The following CELF4 variants were observed in gnomAD, a reference collection of about 807,000 sequenced individuals.
CELF4 encodes the protein CUG-BP- and ETR-3-like factor 4.
A neutral mutation model predicts 59.9 loss-of-function variants in CELF4; 18 were observed. The observed-to-expected ratio is 0.30, with a 90% CI of 0.21 to 0.45. The LOEUF (loss-of-function observed/expected upper bound fraction) is 0.45, where lower values mean the gene tolerates loss of function less well. Ranked by LOEUF, CELF4 falls within the 20% of genes least tolerant of loss-of-function variation. CELF4 has a pLI of 1.00. For synonymous variants in CELF4, 261 were observed against 267.1 expected, an observed-to-expected ratio of 0.98 and a Z score of 0.22; for missense variants, 456 against 689.0, an observed-to-expected ratio of 0.66 and a Z score of 3.79.
chr18:37,474,058 A>G (rs1303479173), intron 2 of CELF4: 1 of 152,210 alleles, frequency 6.6e-6, no homozygotes, highest in Non-Finnish European at 1.5e-5. Flanking sequence ...GCCCTCCGAC[A>G]GCAGTGAGAA....
chr18:37,528,969 C>A (rs761169459), intron 1 of CELF4: 10 of 152,136 alleles, frequency 6.6e-5, no homozygotes, highest in Non-Finnish European at 1.5e-4. Context: ...AAACCATCTA[C>A]TCTTAGCTCA....
intron 3 of CELF4, among the ~76,000 whole-genome samples, chr18:37,286,218 C>T (rs2094746057): frequency 6.6e-6 from 1 of 152,158 alleles, no homozygotes; most frequent in Admixed American, 6.5e-5. Context: ...AGAATCTACT[C>T]CAGGTGGCCA....
At chr18:37,450,132 G>A (rs887191799) in intron 2 of CELF4, among the ~76,000 whole-genome samples, 2 of 152,172 alleles carry the variant, frequency 1.3e-5, no homozygotes, top group Admixed American at 6.5e-5. Context: ...AGAGGCTAGA[G>A]GGTGTGTGTG....
chr18:37,495,126 T>C (rs541734890), intron 1 of CELF4, among the ~76,000 whole-genome samples: 1 of 152,196 alleles, frequency 6.6e-6, no homozygotes, highest in Admixed American at 6.5e-5. Context: ...CTGAACTATG[T>C]TCCTTTCTGA....
intron 2 of CELF4, among the ~76,000 whole-genome samples, chr18:37,446,327 C>T (rs1569569445): frequency 6.6e-6 from 1 of 152,146 alleles, no homozygotes; most frequent in African/African-American, 2.4e-5. Context: ...GTGACACAGC[C>T]CCAGCCTGGA....
At chr18:37,333,869 A>G (rs936988526) in intron 2 of CELF4, among the ~76,000 whole-genome samples, 3 of 151,862 alleles carry the variant, frequency 2.0e-5, no homozygotes, top group Non-Finnish European at 4.4e-5. Context: ...GCCCTGTTCT[A>G]TAGAATTGGA....
chr18:37,558,537 G>C (rs2099985553), intron 1 of CELF4, among the ~76,000 whole-genome samples: 3 of 122,852 alleles, frequency 2.4e-5, no homozygotes, highest in South Asian at 6.5e-4. Flanking sequence ...GATGATGAAA[G>C]GGCTTCAGTG....
chr18:37,561,737 G>A (rs1221280680), intron 1 of CELF4, among the ~76,000 whole-genome samples: 2 of 152,172 alleles, frequency 1.3e-5, no homozygotes, highest in African/African-American at 4.8e-5. Context: ...TTGGACTACT[G>A]GGTGACCTGT....
At chr18:37,265,202 GGTGTGTACGT>G (rs1207309766) in intron 9 of CELF4, among the ~76,000 whole-genome samples, 14 of 150,318 alleles carry the variant, frequency 9.3e-5, no homozygotes, top group Middle Eastern at 3.5e-3. Flanking sequence ...CACGTGTGTG[GGTGTGTACGT>G]GTGTGTACGT....
intron 1 of CELF4, among the ~76,000 whole-genome samples, chr18:37,488,012 C>A (rs2099885013): frequency 6.6e-6 from 1 of 151,980 alleles, no homozygotes; most frequent in African/African-American, 2.4e-5. Flanking sequence ...CCTGGCCCCA[C>A]TCACTGGTCC....
intron 3 of CELF4, among the ~76,000 whole-genome samples, chr18:37,285,841 T>C (rs1034345799): frequency 6.6e-6 from 1 of 152,198 alleles, no homozygotes; most frequent in African/African-American, 2.4e-5. Flanking sequence ...TTTGATCTGC[T>C]ACATTATCCT....
At chr18:37,332,071 G>A (rs984922988) in intron 2 of CELF4, among the ~76,000 whole-genome samples, 1 of 152,182 alleles carries the variant, frequency 6.6e-6, no homozygotes. Context: ...AAGACACCAA[G>A]CAAACGTTTG....
chr18:37,410,325 G>A (rs1189262549), intron 2 of CELF4, among the ~76,000 whole-genome samples: 1 of 152,142 alleles, frequency 6.6e-6, no homozygotes, highest in Non-Finnish European at 1.5e-5. Context: ...TGCCTCTGCT[G>A]AATTATTTGA....
chr18:37,373,285 G>T (rs2098925256), intron 2 of CELF4, among the ~76,000 whole-genome samples: 1 of 152,226 alleles, frequency 6.6e-6, no homozygotes. Context: ...CTCGACTGAG[G>T]GTGTCTCACA....
chr18:37,312,748 T>C (rs1320874797), intron 3 of CELF4, among the ~76,000 whole-genome samples: 1 of 152,138 alleles, frequency 6.6e-6, no homozygotes, highest in Non-Finnish European at 1.5e-5. Flanking sequence ...CAAGGGCTCC[T>C]GCCCACCCCC....
At chr18:37,440,406 G>T (rs552349504) in intron 2 of CELF4, among the ~76,000 whole-genome samples, 1 of 152,168 alleles carries the variant, frequency 6.6e-6, no homozygotes, top group Admixed American at 6.5e-5. Context: ...TGCCCAGTTT[G>T]TCTCAGGCCC....
intron 2 of CELF4, among the ~76,000 whole-genome samples, chr18:37,373,020 G>C (rs1345138140): frequency 6.6e-6 from 1 of 152,116 alleles, no homozygotes; most frequent in Non-Finnish European, 1.5e-5. Context: ...CCCTTTACCT[G>C]GTAACTCCAC....
At chr18:37,537,640 T>A (rs997277787) in intron 1 of CELF4, among the ~76,000 whole-genome samples, 1 of 152,226 alleles carries the variant, frequency 6.6e-6, no homozygotes, top group Non-Finnish European at 1.5e-5. Context: ...TTTATTTTAT[T>A]TCCTTGCTTC....
chr18:37,371,989 G>A (rs967268891), intron 2 of CELF4, among the ~76,000 whole-genome samples: 7 of 152,176 alleles, frequency 4.6e-5, no homozygotes, highest in South Asian at 2.1e-4. Context: ...ATAGACAACC[G>A]AGCCTTAGAA....
Sources: allele counts gnomAD v4.1 joint callset (sites outside exome capture counted in the v4.1 genomes callset), GRCh38; gene constraint gnomAD v4.1.1; transcripts MANE v1.5; gene names NCBI Gene and HGNC (gene_info 2026-07-23, HGNC 2026-07-21).